Variants in GNAL observed in about 807,000 individuals in gnomAD.
GNAL encodes the protein G protein subunit alpha L.
Under a neutral mutation model 55.1 loss-of-function variants are expected in GNAL, and 18 were observed. The observed-to-expected ratio is 0.33, with a 90% confidence interval of 0.23 to 0.48. GNAL has a LOEUF of 0.48. Among genes scored for constraint, GNAL ranks in the 20% least tolerant of loss-of-function variants. GNAL has a pLI of 0.99. For missense variants in GNAL, 412 were observed against 614.1 expected (o/e 0.67, Z 3.48); for synonymous variants, 253 against 237.0 (o/e 1.07, Z -0.62).
chr18:11,808,441 C>T (rs955619647), intron 4 of GNAL, among the ~76,000 whole-genome samples: 4 of 152,146 alleles, frequency 2.6e-5, no homozygotes, highest in Non-Finnish European at 5.9e-5. Flanking sequence ...AAATCTGAAA[C>T]GCATTAGAAA....
At chr18:11,853,486 T>G (rs565482083) in intron 5 of GNAL, 1 of 167,250 alleles carries the variant, frequency 6.0e-6, no homozygotes, top group Non-Finnish European at 1.5e-5. Flanking sequence ...AACTTACCCT[T>G]TCCTTCACTG....
chr18:11,877,396 G>C (rs375666489), intron 11 of GNAL, among the ~76,000 whole-genome samples: 1 of 152,264 alleles, frequency 6.6e-6, no homozygotes, highest in African/African-American at 2.4e-5. Context: ...CGGAGGTTGC[G>C]GTGAGCCGAG....
At chr18:11,788,000 A>G (rs1384422702) in intron 4 of GNAL, among the ~76,000 whole-genome samples, 1 of 152,070 alleles carries the variant, frequency 6.6e-6, no homozygotes, top group Non-Finnish European at 1.5e-5. Flanking sequence ...CCAACTTCCC[A>G]TTTCCTTCTG....
At chr18:11,707,968 G>T (rs565309388) in intron 1 of GNAL, among the ~76,000 whole-genome samples, 41 of 152,304 alleles carry the variant, frequency 2.7e-4, no homozygotes, top group African/African-American at 9.9e-4. Flanking sequence ...TTAGGGCCTT[G>T]TTCCAACTTA....
chr18:11,749,778 A>AG (rs999649596), intron 1 of GNAL, among the ~76,000 whole-genome samples: 3 of 152,176 alleles, frequency 2.0e-5, no homozygotes, highest in African/African-American at 4.8e-5. Flanking sequence ...AAGGATAACT[A>AG]GGGGGGTTGA....
At chr18:11,711,511 A>G (rs2031839348) in intron 1 of GNAL, among the ~76,000 whole-genome samples, 1 of 151,192 alleles carries the variant, frequency 6.6e-6, no homozygotes, top group African/African-American at 2.4e-5. Flanking sequence ...TGTAGTGATT[A>G]TTTTCAGTTC....
chr18:11,787,920 C>T (rs2034107814), intron 4 of GNAL, among the ~76,000 whole-genome samples: 1 of 151,930 alleles, frequency 6.6e-6, no homozygotes, highest in East Asian at 1.9e-4. Context: ...CATGGGCAGC[C>T]GGCACTGGTT....
intron 1 of GNAL, chr18:11,702,066 T>C: frequency 6.6e-6 from 1 of 152,356 alleles, no homozygotes; most frequent in African/African-American, 2.4e-5. Context: ...ATTTGTGTTT[T>C]ACAGGTACTT....
At position 11,783,409 on chromosome 18, in the gene GNAL, A is replaced by T. The variant is rs1473818186; in HGVS notation, c.624+29464A>T. Among the ~76,000 whole-genome samples, 3 of 152,380 alleles carry T rather than the reference A, an allele frequency of 2.0e-5. No homozygotes were observed. In the South Asian group the frequency reaches 6.2e-4, roughly 32 times the overall value. On this transcript the variant is annotated intron_variant, in intron 4 of 11. Coordinates refer to ENST00000334049, the MANE Select transcript of GNAL (RefSeq NM_182978.4). ...AGACTAGGCTCAAAGTTTCAACATC[A>T]TAAATACTCTATATTAGCTAATCGG...
At position 11,718,778 on chromosome 18, in the gene GNAL, A is replaced by G. The variant is rs527626447; in HGVS notation, c.376+28839A>G. Among the ~76,000 whole-genome samples the G allele has an allele frequency of 8.5e-5, 13 of 152,314 alleles. No homozygotes were observed. The East Asian group carries it at 1.9e-3, about 23-fold the overall frequency. ...GAGAGAACTGCACTGTACTAAGATG[A>G]TGATCTGTGACTTGTTTTATTCCTC... is the stretch of plus-strand genomic sequence containing the variant. On this transcript the variant is annotated intron_variant, in intron 1 of 11. Transcript: ENST00000334049.
intron 4 of GNAL, among the ~76,000 whole-genome samples, chr18:11,812,904 G>A (rs2034855221): frequency 1.3e-5 from 2 of 151,876 alleles, no homozygotes; most frequent in Non-Finnish European, 2.9e-5. Flanking sequence ...AAATTTAACA[G>A]CAGATGTAAA....
chr18:11,689,390 C>A lies in GNAL; in HGVS notation c.-174C>A. 2.8e-6 allele frequency: 1 copy of A among 358,122 alleles called. No individual in the cohort carries two copies. The highest frequency in any genetic ancestry group is 5.0e-6 in the Non-Finnish European group (1 of 200,754). The allele number at this position is 358,122 out of a possible 1,614,324, so 22.2% of individuals were successfully genotyped here. On this transcript the variant is annotated 5_prime_UTR_variant, in exon 1 of 12. Transcript: ENST00000334049. ...GAGGGGCTGTGGCCCTCGGCCCCGG[C>A]CTGCCGCACCCCCTTCCCGCAGCTG...
intron 4 of GNAL, among the ~76,000 whole-genome samples, chr18:11,807,020 ATGG>A (rs1568036183): frequency 6.6e-6 from 1 of 152,028 alleles, no homozygotes; most frequent in East Asian, 1.9e-4. Flanking sequence ...TTAGCCGGGC[ATGG>A]TGGCGCACGC....
chr18:11,833,740 A>G (rs2035439691), intron 5 of GNAL: 1 of 152,260 alleles, frequency 6.6e-6, no homozygotes, highest in African/African-American at 2.4e-5. Flanking sequence ...ACATCACAGG[A>G]ATCTCCAATC....
At position 11,868,767 on chromosome 18, in the gene GNAL, C is replaced by A. The variant is rs956198145; in HGVS notation, c.1031+104C>A. On this transcript the variant is annotated intron_variant, in intron 9 of 11. Coordinates refer to ENST00000334049, the MANE Select transcript of GNAL (RefSeq NM_182978.4). The surrounding 1 kb of genome is among the most constrained non-coding windows in gnomAD (Gnocchi z 4.0). ...GTGGCTCACACCTGTAATCTCAACACTGGGAGGCCGAGGCAGGTGTGTCAC... is the reference window on the plus strand; with the variant it reads ...GTGGCTCACACCTGTAATCTCAACAATGGGAGGCCGAGGCAGGTGTGTCAC... The A allele has an allele frequency of 5.3e-5, 48 of 911,784 alleles. No individual in the cohort carries two copies. The highest frequency in any genetic ancestry group is 6.9e-5 in the Non-Finnish European group (42 of 607,118). The allele number at this position is 911,784 out of a possible 1,614,324, so 56.5% of individuals were successfully genotyped here.
At chr18:11,865,808 G>T (rs1377745175) in intron 7 of GNAL, among the ~76,000 whole-genome samples, 5 of 146,474 alleles carry the variant, frequency 3.4e-5, no homozygotes, top group Non-Finnish European at 4.4e-5. Flanking sequence ...CTCAGCCCAT[G>T]GTGACCCCTT....
At chr18:11,792,030 AC>A (rs571282737) in intron 4 of GNAL, among the ~76,000 whole-genome samples, 86 of 152,142 alleles carry the variant, frequency 5.7e-4, no homozygotes, top group African/African-American at 2.0e-3. Flanking sequence ...GTTCAGACCC[AC>A]CTCTTTTGGA....
At chr18:11,691,752 T>C (rs1338097120) in intron 1 of GNAL, among the ~76,000 whole-genome samples, 2 of 152,198 alleles carry the variant, frequency 1.3e-5, no homozygotes, top group African/African-American at 4.8e-5. Flanking sequence ...CTCAGGTTTC[T>C]CAAAGCACTT....
At chr18:11,765,523 T>C (rs2033377192) in intron 4 of GNAL, among the ~76,000 whole-genome samples, 2 of 152,208 alleles carry the variant, frequency 1.3e-5, no homozygotes, top group Non-Finnish European at 2.9e-5. Context: ...CTTCTGTGCA[T>C]CTGTACTTTT....
Sources: allele counts gnomAD v4.1 joint callset (sites outside exome capture counted in the v4.1 genomes callset), GRCh38; gene constraint gnomAD v4.1.1; non-coding constraint Gnocchi (gnomAD v3.1); transcripts MANE v1.5; gene names NCBI Gene and HGNC (gene_info 2026-07-23, HGNC 2026-07-21).